Variants in ZNF726 observed in about 807,000 individuals in gnomAD.
The protein encoded by ZNF726 is zinc finger protein 92 pseudogene 3.
In ZNF726, 15 loss-of-function variants were observed where a neutral mutation model predicts 11.6. The observed-to-expected ratio is 1.29, with a 90% CI of 0.86 to 1.99. The LOEUF (loss-of-function observed/expected upper bound fraction) is 1.99, where lower values mean the gene tolerates loss of function less well. Among genes scored for constraint, ZNF726 ranks in the 30% most tolerant of loss-of-function variants. ZNF726 has a pLI of 0.00. For synonymous variants in ZNF726, 295 were observed against 243.6 expected, an observed-to-expected ratio of 1.21 and a Z score of -1.96; for missense variants, 890 against 725.6, an observed-to-expected ratio of 1.23 and a Z score of -2.60.
At chr19:23,941,536 C>A (rs1354025807) in intron 3 of ZNF726, among the ~76,000 whole-genome samples, 1 of 152,002 alleles carries the variant, frequency 6.6e-6, no homozygotes, top group African/African-American at 2.4e-5. Flanking sequence ...TCTTGTGGAA[C>A]AATGTCAAAA....
chr19:23,916,427 G>T (rs1390063161), intron 1 of ZNF726, among the ~76,000 whole-genome samples: 1 of 152,056 alleles, frequency 6.6e-6, no homozygotes, highest in South Asian at 2.1e-4. Flanking sequence ...CCGCCTCCTG[G>T]GCTCAAACGG....
intron 3 of ZNF726, chr19:23,921,508 T>C (rs1967850814): frequency 6.6e-6 from 1 of 152,220 alleles, no homozygotes; most frequent in African/African-American, 2.4e-5. Flanking sequence ...ACAATACTTA[T>C]TCTTTCAATA....
chr19:23,942,365 G>A (rs1468308431), intron 3 of ZNF726, among the ~76,000 whole-genome samples: 3 of 152,038 alleles, frequency 2.0e-5, no homozygotes, highest in African/African-American at 7.2e-5. Flanking sequence ...ATTGAGGCTC[G>A]TTTTATGGCC....
rs900810196 is a variant in ZNF726, at chr19:23,915,012, T to G, written c.3+15T>G. ...GCCTAGAAATGGTGAGAGTGCCGGGTGCGACATCCCAAGAGAGGGAACGGG... is the reference window on the plus strand; with the variant it reads ...GCCTAGAAATGGTGAGAGTGCCGGGGGCGACATCCCAAGAGAGGGAACGGG... On this transcript the variant is annotated intron_variant, in intron 1 of 3. Coordinates refer to ENST00000594466, the MANE Select transcript of ZNF726 (RefSeq NM_001244038.2). The G allele has an allele frequency of 3.1e-6, 5 of 1,613,572 alleles. No individual in the cohort carries two copies. In the African/African-American group the frequency reaches 6.7e-5, roughly 22 times the overall value.
downstream of ZNF726, among the ~76,000 whole-genome samples, chr19:23,939,021 ATGAGT>A (rs1401397229): frequency 2.6e-5 from 4 of 151,616 alleles, no homozygotes; most frequent in East Asian, 7.7e-4. Flanking sequence ...GTTTGGTTAG[ATGAGT>A]TAAGTTCTTT....
downstream of ZNF726, chr19:23,935,669 A>T (rs1968218494): frequency 6.8e-6 from 2 of 294,036 alleles, no homozygotes; most frequent in Non-Finnish European, 1.3e-5. Context: ...GTTGCACTTC[A>T]TTGTATGTAA....
downstream of ZNF726, among the ~76,000 whole-genome samples, chr19:23,937,253 C>T (rs1968255402): frequency 6.6e-6 from 1 of 151,454 alleles, no homozygotes; most frequent in African/African-American, 2.4e-5. Flanking sequence ...CCACCTCCCT[C>T]CCAGCCGGGG....
intron 3 of ZNF726, chr19:23,928,238 T>A (rs1385407798): frequency 6.6e-6 from 1 of 152,234 alleles, no homozygotes; most frequent in Non-Finnish European, 1.5e-5. Context: ...TACAGTCTGC[T>A]AAATTGTGAG....
chr19:23,933,799 A>C lies in ZNF726; in HGVS notation c.1683A>C (p.Gly561=). ...NLSTHKIIHT[G]EKPYKCEECG... The stretch of plus-strand genomic sequence containing the variant: ...GTACACATAAGATAATTCATACTGG[A>C]GAGAAACCTTACAAGTGTGAAGAAT... The change falls in exon 4 of 4, where the codon GGA becomes GGC. Residue 561 remains glycine, a synonymous_variant. Transcript: ENST00000594466. 3 of 1,607,688 alleles carry C rather than the reference A, an allele frequency of 1.9e-6. No individual in the cohort carries two copies. Among genetic ancestry groups the C allele is most frequent in the Non-Finnish European group, 2.5e-6 (3 of 1,177,548 alleles).
intron 4 of ZNF726, chr19:23,944,131 A>C (rs1193841745): frequency 6.6e-6 from 1 of 152,066 alleles, no homozygotes; most frequent in Non-Finnish European, 1.5e-5. Context: ...GATATTGACC[A>C]CTTTTTTTAT....
chr19:23,917,802 A>G (rs1438862396), intron 1 of ZNF726, among the ~76,000 whole-genome samples: 6 of 152,166 alleles, frequency 3.9e-5, no homozygotes, highest in Non-Finnish European at 8.8e-5. Context: ...AACACCGAGG[A>G]ATTTTGCTGA....
Position 23,919,383 on chromosome 19 carries a change from C to T in ZNF726, c.14C>T (p.Thr5Ile). 6.2e-7 allele frequency: 1 copy of T among 1,606,078 alleles called. No individual in the cohort carries two copies. The highest frequency in any genetic ancestry group is 8.5e-7 in the Non-Finnish European group (1 of 1,175,224). ...GTGTGTATTTTCCAGGGACTGTTGA[C>T]ATTTAGGGATGTGGCCATAGAATTC... is the stretch of plus-strand genomic sequence containing the variant. Reference protein sequence around the residue: MGLLTFRDVAIEFSL... With the variant: MGLLIFRDVAIEFSL... Residue 5 changes from threonine (T) to isoleucine (I), a missense_variant, in exon 2 of 4, where the codon ACA becomes ATA. Physicochemically the swap from Thr to Ile is moderately conservative, Grantham distance 89. Coordinates refer to ENST00000594466, the MANE Select transcript of ZNF726 (RefSeq NM_001244038.2).
intron 3 of ZNF726, among the ~76,000 whole-genome samples, chr19:23,924,828 G>C (rs1967944135): frequency 1.3e-5 from 2 of 152,104 alleles, no homozygotes; most frequent in South Asian, 4.2e-4. Context: ...GGAGTGTGAG[G>C]CTGCAGTGAG....
chr19:23,936,191 C>A (rs1182962777), downstream of ZNF726: 1 of 152,138 alleles, frequency 6.6e-6, no homozygotes, highest in Admixed American at 6.5e-5. Flanking sequence ...GAAAGATGTT[C>A]AATCCAAAAT....
Position 23,933,289 on chromosome 19 carries a change from C to T in ZNF726, c.1173C>T (p.His391=). ...PSTLTKHKRI[H]TGEKPYKCEE... is the part of the protein sequence containing the mutation. The stretch of plus-strand genomic sequence containing the variant: ...CCCTAACTAAACATAAGAGGATTCA[C>T]ACTGGAGAGAAACCCTACAAATGTG... Residue 391 remains histidine, a synonymous_variant, in exon 4 of 4, where the codon CAC becomes CAT. Coordinates refer to ENST00000594466, the MANE Select transcript of ZNF726 (RefSeq NM_001244038.2). The T allele has an allele frequency of 1.9e-6, 3 of 1,610,942 alleles. No individual in the cohort carries two copies. Among genetic ancestry groups the T allele is most frequent in the Non-Finnish European group, 2.5e-6 (3 of 1,179,348 alleles).
Position 23,934,018 on chromosome 19 carries a change from C to T in ZNF726, c.*51C>T. On this transcript the variant is annotated 3_prime_UTR_variant, in exon 4 of 4. Transcript: ENST00000594466. ...TGTGGCAAAGCATTTATATGGTCCT[C>T]AACGCTAAACATAAGAGGATGCACA... 1 of 1,565,238 alleles carries T rather than the reference C, an allele frequency of 6.4e-7. No homozygotes were observed. Among genetic ancestry groups the T allele is most frequent in the Non-Finnish European group, 8.7e-7 (1 of 1,143,316 alleles).
chr19:23,933,174 T>A lies in ZNF726; in HGVS notation c.1058T>A (p.Phe353Tyr). 4.4e-6 allele frequency: 7 copies of A among 1,593,310 alleles called. No homozygotes were observed. The highest frequency in any genetic ancestry group is 6.0e-6 in the Non-Finnish European group (7 of 1,171,410). The change falls in exon 4 of 4, where the codon TTC becomes TAC. Residue 353 changes from phenylalanine (F) to tyrosine (Y), a missense_variant. Physicochemically the swap from Phe to Tyr is conservative, Grantham distance 22. Transcript: ENST00000594466. The stretch of plus-strand genomic sequence containing the variant: ...GAATGTGCCAAAGCTTTTAGCCAAT[T>A]CGGACACCTTACTACACATAGGATA... ...CEECAKAFSQ[F>Y]GHLTTHRIIH...
intron 1 of ZNF726, among the ~76,000 whole-genome samples, chr19:23,916,801 ATT>A (rs59458760): frequency 6.9e-6 from 1 of 145,360 alleles, no homozygotes. Flanking sequence ...TTGGGTCAAG[ATT>A]TTTTTTTTTT....
intron 1 of ZNF726, among the ~76,000 whole-genome samples, chr19:23,917,121 T>C (rs148553244): frequency 6.6e-6 from 1 of 152,300 alleles, no homozygotes; most frequent in East Asian, 1.9e-4. Flanking sequence ...CACCTAGTTT[T>C]TGTATTCTTA....
Sources: allele counts gnomAD v4.1 joint callset (sites outside exome capture counted in the v4.1 genomes callset), GRCh38; gene constraint gnomAD v4.1.1; transcripts MANE v1.5; gene names NCBI Gene and HGNC (gene_info 2026-07-23, HGNC 2026-07-21).